Variants in CELSR1 observed in about 807,000 individuals in gnomAD.
CELSR1 encodes adhesion G protein-coupled receptor C1.
In CELSR1, 110 loss-of-function variants were observed where a neutral mutation model predicts 249.1. The ratio of observed to expected loss-of-function variants is 0.44; its 90% confidence interval spans 0.38 to 0.52. CELSR1 has a LOEUF of 0.52. Among genes scored for constraint, CELSR1 ranks in the 20% least tolerant of loss-of-function variants. The pLI is 0.00. For synonymous variants in CELSR1, 2,113 were observed against 1,900.0 expected (o/e 1.11, Z -2.92); for missense variants, 4,109 against 4,296.4 (o/e 0.96, Z 1.22).
intron 5 of CELSR1, among the ~76,000 whole-genome samples, chr22:46,414,377 G>T (rs532366801): frequency 1.2e-4 from 18 of 152,152 alleles, no homozygotes; most frequent in Non-Finnish European, 2.5e-4. Flanking sequence ...ACAGAGGAGC[G>T]GGGGGATCTG....
At position 46,396,823 on chromosome 22, in the gene CELSR1, T is replaced by TC; in HGVS notation, c.5702-78dup. 1 of 1,536,950 alleles carries TC rather than the reference T, an allele frequency of 6.5e-7. No individual in the cohort carries two copies. The highest frequency in any genetic ancestry group is 1.4e-5 in the African/African-American group (1 of 72,800). On this transcript the variant is annotated intron_variant, in intron 12 of 34. Transcript: ENST00000674500. The surrounding 1 kb of genome is among the most constrained non-coding windows in gnomAD (Gnocchi z 6.4). ...ACGTTAAAATATCTGGAGCAACCTG[T>TC]CCCCTCCAGAAGATCTGACTTTCCC...
chr22:46,386,360 G>C (rs1389972290), intron 19 of CELSR1, 42 bp downstream of exon 19: 14 of 1,483,510 alleles, frequency 9.4e-6, no homozygotes, highest in African/African-American at 2.8e-5. Flanking sequence ...GCACACCCCT[G>C]ATGGTAGCAG....
In CELSR1 at chr22:46,454,526, T is replaced by C. The variant is rs1034550847; in HGVS notation, c.4183+9181A>G. 6.6e-6 allele frequency among the ~76,000 whole-genome samples: 1 copy of C among 152,238 alleles called. No individual in the cohort carries two copies. The highest frequency in any genetic ancestry group is 1.5e-5 in the Non-Finnish European group (1 of 68,040). On this transcript the variant is annotated intron_variant, in intron 2 of 34. Coordinates refer to ENST00000674500, the MANE Select transcript of CELSR1 (RefSeq NM_001378328.1). The surrounding 1 kb of genome is among the most constrained non-coding windows in gnomAD (Gnocchi z 5.1). ...AAGTCACGGGGAACGGCGTGTGCTT[T>C]AAACCACAGCGAGGTTTCTATTGCA...
chr22:46,534,679 G>C lies in CELSR1; in HGVS notation c.2492C>G (p.Pro831Arg). 3.1e-6 allele frequency: 5 copies of C among 1,613,682 alleles called. No homozygotes were observed. The South Asian group carries it at 5.5e-5, about 18-fold the overall frequency. Residue 831 changes from proline (P) to arginine (R), a missense_variant, in exon 1 of 35, where the codon CCC (proline) becomes CGC (arginine). Transcript: ENST00000674500. The surrounding 1 kb of genome is among the most constrained non-coding windows in gnomAD (Gnocchi z 9.7). ...NARITYVIQD[P>R]VPQFRIDPDS... The stretch of plus-strand genomic sequence containing the variant: ...GGGGTCAATGCGGAACTGCGGCACG[G>C]GGTCCTGAATCACGTAGGTGATGCG...
At position 46,391,174 on chromosome 22, in the gene CELSR1, A is replaced by C. The variant is rs766967897; in HGVS notation, c.6250+12T>G. ...TGCCTCAGTTCCCTACACACAGGCC[A>C]CGGCGACTCACCAACGGATCCCTTA... On this transcript the variant is annotated intron_variant, in intron 16 of 34. Transcript: ENST00000674500. The surrounding 1 kb of genome is among the most constrained non-coding windows in gnomAD (Gnocchi z 4.3). 7 of 1,609,096 alleles carry C rather than the reference A, an allele frequency of 4.4e-6. No individual in the cohort carries two copies. The South Asian group carries it at 7.7e-5, about 18-fold the overall frequency.
chr22:46,487,736 G>A (rs1289312151), intron 1 of CELSR1, among the ~76,000 whole-genome samples: 3 of 126,404 alleles, frequency 2.4e-5, no homozygotes, highest in Non-Finnish European at 3.4e-5. Flanking sequence ...GGGGGTGAGG[G>A]GGAGGGGAGT....
intron 1 of CELSR1, among the ~76,000 whole-genome samples, chr22:46,469,335 C>T: frequency 6.6e-6 from 1 of 152,314 alleles, no homozygotes; most frequent in African/African-American, 2.4e-5. Flanking sequence ...GCTCTTCCTG[C>T]CCCGGGGCCT....
At position 46,518,249 on chromosome 22, in the gene CELSR1, C is replaced by G. The variant is rs988916109; in HGVS notation, c.3544+15378G>C. Among the ~76,000 whole-genome samples the G allele has an allele frequency of 3.3e-5, 5 of 152,154 alleles. No homozygotes were observed. The highest frequency in any genetic ancestry group is 1.2e-4 in the African/African-American group (5 of 41,442). ...CTAAAGGACATCTCAAAGCACAGCG[C>G]GGCCCCTCAGCACAGACGCTGCTAT... On this transcript the variant is annotated intron_variant, in intron 1 of 34. Transcript: ENST00000674500. This position sits in a 1 kb window ranked among gnomAD's most constrained non-coding sequence, Gnocchi z 5.2.
In CELSR1 at chr22:46,536,862, G is replaced by C; in HGVS notation, c.309C>G (p.Arg103=). The C allele has an allele frequency of 8.1e-7, 1 of 1,230,776 alleles. No homozygotes were observed. Among genetic ancestry groups the C allele is most frequent in the Non-Finnish European group, 1.0e-6 (1 of 982,154 alleles). 76.2% of individuals were successfully genotyped at this position (1,230,776 alleles called of 1,614,324 possible). A position where few individuals can be genotyped will look rare whatever the true frequency, so the allele number is the denominator to read the frequency against. Residue 103 remains arginine (R), a synonymous_variant, in exon 1 of 35, where the codon CGC becomes CGG. Coordinates refer to ENST00000674500, the MANE Select transcript of CELSR1 (RefSeq NM_001378328.1). ...GAAGGTGCGTGCGCGCCCGCAGGCG[G>C]CGGCTCAGCGCCGTCGGGGCACTGC... ...VARSAPTALS[R]RLRARTHLPG... is the part of the protein sequence containing the mutation.
intron 5 of CELSR1, among the ~76,000 whole-genome samples, chr22:46,414,263 C>T (rs886553215): frequency 6.6e-6 from 1 of 152,170 alleles, no homozygotes; most frequent in East Asian, 1.9e-4. Flanking sequence ...TTCTGACTCC[C>T]AGAGACACCC....
At chr22:46,425,995 A>G (rs2147401244) in intron 5 of CELSR1, among the ~76,000 whole-genome samples, 1 of 152,374 alleles carries the variant, frequency 6.6e-6, no homozygotes, top group African/African-American at 2.4e-5. Flanking sequence ...ATTTGTTTTA[A>G]AAACCTTCCT....
Position 46,383,051 on chromosome 22 carries a change from G to A in CELSR1, c.6884-1001C>T, listed in dbSNP as rs146148209. Among the ~76,000 whole-genome samples, 22 of 152,258 alleles carry A rather than the reference G, an allele frequency of 1.4e-4. No homozygotes were observed. In the East Asian group the frequency reaches 4.1e-3, roughly 28 times the overall value. On this transcript the variant is annotated intron_variant, in intron 20 of 34. Transcript: ENST00000674500. ...ATCAGGGTTGAAAATCGGCCTGGTC[G>A]GAGGTGTCTGGGTCATGGGTGTGGA...
In CELSR1 at chr22:46,439,234, G is replaced by A. The variant is rs867323963; in HGVS notation, c.4361C>T (p.Thr1454Ile). The A allele has an allele frequency of 1.2e-6, 2 of 1,614,072 alleles. No individual in the cohort carries two copies. The highest frequency in any genetic ancestry group is 1.7e-6 in the Non-Finnish European group (2 of 1,179,992). ...TRSFPPQSFV[T>I]FRGLRQRFHF... ...GAAGCGCTGTCTCAGGCCCCGGAAG[G>A]TGACGAAGGACTGGGGCGGGAAGCT... Residue 1454 changes from threonine to isoleucine, a missense_variant, in exon 3 of 35, where the codon ACC (threonine) becomes ATC (isoleucine). Physicochemically the swap from Thr to Ile is moderately conservative, Grantham distance 89 (BLOSUM62 -1). Transcript: ENST00000674500.
At chr22:46,420,344 GCA>G (rs1254806007) in intron 5 of CELSR1, among the ~76,000 whole-genome samples, 3 of 147,826 alleles carry the variant, frequency 2.0e-5, no homozygotes, top group Admixed American at 6.7e-5. Context: ...GCACTCATGT[GCA>G]CATTTACCCA....
Position 46,409,966 on chromosome 22 carries a change from C to G in CELSR1, c.4934-86G>C. The G allele has an allele frequency of 2.6e-6, 4 of 1,559,706 alleles. No homozygotes were observed. The highest frequency in any genetic ancestry group is 3.5e-6 in the Non-Finnish European group (4 of 1,148,306). ...CCAGACGTGGCGTGGGAAACCAGGACGGAATGGACCCGGGGCTGGACAGAA... is the reference window on the plus strand; with the variant it reads ...CCAGACGTGGCGTGGGAAACCAGGAGGGAATGGACCCGGGGCTGGACAGAA... On this transcript the variant is annotated intron_variant, in intron 7 of 34. Transcript: ENST00000674500. This position sits in a 1 kb window ranked among gnomAD's most constrained non-coding sequence, Gnocchi z 9.8.
At chr22:46,422,168 C>T (rs535748134) in intron 5 of CELSR1, among the ~76,000 whole-genome samples, 198 of 152,134 alleles carry the variant, frequency 1.3e-3, no homozygotes, top group African/African-American at 4.5e-3. Flanking sequence ...TGCAGTGGCA[C>T]GGTCTTGGCT....
In CELSR1 at chr22:46,473,988, TG is replaced by T. The variant is rs1300608885; in HGVS notation, c.3545-9644del. Among the ~76,000 whole-genome samples the T allele has an allele frequency of 2.0e-5, 3 of 151,976 alleles. No individual in the cohort carries two copies. Among genetic ancestry groups the T allele is most frequent in the Non-Finnish European group, 4.4e-5 (3 of 67,984 alleles). On this transcript the variant is annotated intron_variant, in intron 1 of 34. Coordinates refer to ENST00000674500, the MANE Select transcript of CELSR1 (RefSeq NM_001378328.1). The surrounding 1 kb of genome is among the most constrained non-coding windows in gnomAD (Gnocchi z 6.6). Reference sequence around the variant, plus strand: ...ACAAGGGGACAAGCACTTTCAGGGTTGGGTGTGCGGCGCATGTCAGGATGTC... The same window carrying T: ...ACAAGGGGACAAGCACTTTCAGGGTTGGTGTGCGGCGCATGTCAGGATGTC...
intron 1 of CELSR1, among the ~76,000 whole-genome samples, chr22:46,496,583 T>G (rs896296785): frequency 1.3e-5 from 2 of 151,824 alleles, no homozygotes; most frequent in African/African-American, 4.8e-5. Flanking sequence ...ATATATATAT[T>G]TTTTCTTTCT....
In CELSR1 at chr22:46,429,274, G is replaced by T. The variant is rs371738573; in HGVS notation, c.4611+4119C>A. Among the ~76,000 whole-genome samples the T allele has an allele frequency of 2.0e-5, 3 of 152,290 alleles. No homozygotes were observed. Among genetic ancestry groups the T allele is most frequent in the South Asian group, 4.1e-4 (2 of 4,828 alleles). On this transcript the variant is annotated intron_variant, in intron 5 of 34. Transcript: ENST00000674500. This position sits in a 1 kb window ranked among gnomAD's most constrained non-coding sequence, Gnocchi z 4.1. ...AAACCGATTCTCAAGTGGGGAGAAC[G>T]TTTTCCGTCAGGCATGTCCACCCTT...
Sources: allele counts gnomAD v4.1 joint callset (sites outside exome capture counted in the v4.1 genomes callset), GRCh38; gene constraint gnomAD v4.1.1; non-coding constraint Gnocchi (gnomAD v3.1); transcripts MANE v1.5; gene names NCBI Gene and HGNC (gene_info 2026-07-23, HGNC 2026-07-21).